RIC1: variants seen among roughly 807,000 people sequenced by gnomAD.
RIC1 encodes guanine nucleotide exchange factor subunit RIC1.
A neutral mutation model predicts 169.0 loss-of-function variants in RIC1; 88 were observed. The ratio of observed to expected loss-of-function variants is 0.52; its 90% CI spans 0.44 to 0.62. RIC1 has a LOEUF of 0.62. RIC1 is among the 20% of genes least tolerant of loss of function. RIC1 has a pLI of 0.00. For missense variants in RIC1, 1,877 were observed against 1,725.5 expected (o/e 1.09, Z -1.56); for synonymous variants, 790 against 601.5 (o/e 1.31, Z -4.59).
At chr9:5,754,024 G>A (rs540207039) in intron 14 of RIC1, among the ~76,000 whole-genome samples, 11 of 149,344 alleles carry the variant, frequency 7.4e-5, no homozygotes, top group African/African-American at 2.5e-4. Context: ...GTGAGTGTGC[G>A]TGTGTGTATG....
chr9:5,734,075 AATAT>A (rs1239968741), intron 7 of RIC1, among the ~76,000 whole-genome samples: 2 of 145,780 alleles, frequency 1.4e-5, no homozygotes, highest in East Asian at 3.9e-4. Context: ...AAATATATAT[AATAT>A]ATATTTTAAA....
At chr9:5,730,438 CA>C (rs1824297852) in intron 6 of RIC1, among the ~76,000 whole-genome samples, 1 of 151,890 alleles carries the variant, frequency 6.6e-6, no homozygotes, top group Non-Finnish European at 1.5e-5. Context: ...ACATGGTAAG[CA>C]AAAAACAGCT....
chr9:5,765,706 C>T lies in RIC1; in HGVS notation c.3045C>T (p.Ser1015=), dbSNP rs1458628379. The T allele has an allele frequency of 4.3e-6, 7 of 1,614,126 alleles. No homozygotes were observed. The highest frequency in any genetic ancestry group is 5.9e-6 in the Non-Finnish European group (7 of 1,180,000). The change falls in exon 21 of 26, where the codon AGC becomes AGT. Residue 1015 remains serine, a synonymous_variant. Transcript: ENST00000414202. ...SGGFEFFRNR[S]ISLSQSAENV... ...GATTTGAGTTCTTCAGGAATCGAAG[C>T]ATCAGTTTATCCCAGTCAGCTGAAA...
At chr9:5,688,434 GTC>G (rs1821384076) in intron 2 of RIC1, among the ~76,000 whole-genome samples, 1 of 152,064 alleles carries the variant, frequency 6.6e-6, no homozygotes, top group South Asian at 2.1e-4. Flanking sequence ...CATAGATTTT[GTC>G]TGTTTTTGTT....
intron 1 of RIC1, among the ~76,000 whole-genome samples, chr9:5,629,878 G>A (rs1466474845): frequency 1.3e-5 from 2 of 152,350 alleles, no homozygotes; most frequent in Non-Finnish European, 1.5e-5. Flanking sequence ...TTGGAGTTAG[G>A]GAAAGCCTCT....
chr9:5,770,334 T>C, intron 23 of RIC1, 56 bp downstream of exon 23: 2 of 1,413,330 alleles, frequency 1.4e-6, no homozygotes, highest in South Asian at 2.5e-5. Flanking sequence ...ATTTATGTGC[T>C]ATAGCACTTC....
At chr9:5,755,569 C>G (rs1443584667) in intron 15 of RIC1, among the ~76,000 whole-genome samples, 1 of 152,148 alleles carries the variant, frequency 6.6e-6, no homozygotes, top group African/African-American at 2.4e-5. Context: ...ATAAGAGAGA[C>G]TACTGTATCT....
intron 1 of RIC1, among the ~76,000 whole-genome samples, chr9:5,646,712 C>T (rs1197354403): frequency 2.6e-5 from 4 of 152,072 alleles, no homozygotes; most frequent in South Asian, 2.1e-4. Context: ...GGAACTTATC[C>T]CCTCTTGTTA....
chr9:5,727,324 C>A (rs557353782), intron 6 of RIC1, among the ~76,000 whole-genome samples: 1 of 152,026 alleles, frequency 6.6e-6, no homozygotes, highest in Non-Finnish European at 1.5e-5. Context: ...ATCATTCGAT[C>A]AAATCGGCTA....
At chr9:5,756,454 GT>G (rs2131056433) in intron 16 of RIC1, 82 bp downstream of exon 16, 1 of 921,364 alleles carries the variant, frequency 1.1e-6, no homozygotes, top group African/African-American at 1.7e-5. Flanking sequence ...TCTCAAAACA[GT>G]TATTCCACTT....
chr9:5,668,653 A>C (rs575160549), intron 2 of RIC1, among the ~76,000 whole-genome samples: 65 of 152,274 alleles, frequency 4.3e-4, no homozygotes, highest in African/African-American at 1.5e-3. Context: ...CCGTCTGCTC[A>C]AATTTGCTAT....
At chr9:5,773,424 T>C (rs981493530) in intron 25 of RIC1, among the ~76,000 whole-genome samples, 1 of 152,152 alleles carries the variant, frequency 6.6e-6, no homozygotes, top group Non-Finnish European at 1.5e-5. Flanking sequence ...TCTACAAATA[T>C]CTACTTGAAA....
intron 2 of RIC1, among the ~76,000 whole-genome samples, chr9:5,682,640 G>A (rs991946880): frequency 6.6e-6 from 1 of 152,020 alleles, no homozygotes; most frequent in East Asian, 1.9e-4. Context: ...ATGTGTCTTG[G>A]AGTTGCTCTT....
At chr9:5,692,868 T>A (rs868405488) in intron 3 of RIC1, among the ~76,000 whole-genome samples, 54 of 152,228 alleles carry the variant, frequency 3.5e-4, no homozygotes, top group Admixed American at 7.8e-4. Context: ...TTAATACGTA[T>A]TTAATCCCTT....
intron 4 of RIC1, among the ~76,000 whole-genome samples, chr9:5,717,740 G>A (rs1823341303): frequency 6.6e-6 from 1 of 151,874 alleles, no homozygotes; most frequent in South Asian, 2.1e-4. Context: ...AGCTACTCAG[G>A]AGGCTGAGGC....
intron 2 of RIC1, among the ~76,000 whole-genome samples, chr9:5,662,807 TTGAA>T (rs1586902018): frequency 1.3e-5 from 2 of 152,314 alleles, no homozygotes; most frequent in East Asian, 3.9e-4. Flanking sequence ...CATTGATCGT[TTGAA>T]TGGTCTTTCA....
At chr9:5,633,253 C>A (rs886289679) in intron 1 of RIC1, among the ~76,000 whole-genome samples, 3 of 152,166 alleles carry the variant, frequency 2.0e-5, no homozygotes, top group African/African-American at 7.2e-5. Flanking sequence ...GTGTTGACCT[C>A]AGGAAGACCA....
At position 5,699,754 on chromosome 9, in the gene RIC1, A is replaced by G. The variant is rs1025826413; in HGVS notation, c.332+9716A>G. Among the ~76,000 whole-genome samples the G allele has an allele frequency of 2.6e-5, 4 of 152,166 alleles. No individual in the cohort carries two copies. The South Asian group carries it at 8.3e-4, about 31-fold the overall frequency. On this transcript the variant is annotated intron_variant, in intron 3 of 25. Transcript: ENST00000414202. The stretch of plus-strand genomic sequence containing the variant: ...TGAGATTTACAACACTTTCTGATGT[A>G]TGTTCACTCTGATTCTGAAACTAAA...
intron 21 of RIC1, 145 bp downstream of exon 21, chr9:5,765,943 CAG>C: frequency 1.0e-6 from 1 of 974,406 alleles, no homozygotes; most frequent in Non-Finnish European, 1.5e-6. Context: ...AGAGGCCACA[CAG>C]AAGGCTTCCC....
Sources: allele counts gnomAD v4.1 joint callset (sites outside exome capture counted in the v4.1 genomes callset), GRCh38; gene constraint gnomAD v4.1.1; transcripts MANE v1.5; gene names NCBI Gene and HGNC (gene_info 2026-07-23, HGNC 2026-07-21).